Variants in NPAS3 observed in about 807,000 individuals in gnomAD.
NPAS3 encodes the protein neuronal PAS domain-containing protein 3.
NPAS3 carries 14 observed loss-of-function variants against 73.1 expected under a neutral mutation model. The ratio of observed to expected loss-of-function variants is 0.19; its 90% CI spans 0.13 to 0.30. The LOEUF is 0.30. Ranked by LOEUF, NPAS3 falls within the 10% of genes least tolerant of loss-of-function variation. The probability of loss-of-function intolerance (pLI) is 1.00; values close to 1 mark genes in which losing one functional copy is unlikely to be tolerated. For missense variants in NPAS3, 1,096 were observed against 1,250.0 expected, an observed-to-expected ratio of 0.88 and a Z score of 1.86; for synonymous variants, 620 against 541.5, an observed-to-expected ratio of 1.14 and a Z score of -2.01.
chr14:33,363,872 G>C (rs2045714650), intron 3 of NPAS3, among the ~76,000 whole-genome samples: 1 of 151,286 alleles, frequency 6.6e-6, no homozygotes, highest in Admixed American at 6.6e-5. Context: ...GCTGGTAACA[G>C]AATCTTCACA....
At chr14:33,103,358 A>G (rs910353295) in intron 2 of NPAS3, among the ~76,000 whole-genome samples, 1 of 152,132 alleles carries the variant, frequency 6.6e-6, no homozygotes, top group Non-Finnish European at 1.5e-5. Context: ...AAGCTCTGCC[A>G]TTGCATCATG....
chr14:33,247,482 C>T (rs779008958), intron 3 of NPAS3, among the ~76,000 whole-genome samples: 3 of 152,120 alleles, frequency 2.0e-5, no homozygotes, highest in Non-Finnish European at 4.4e-5. Context: ...GACTGGTTGC[C>T]TTAAAAACTG....
At chr14:33,245,329 T>C (rs1426000021) in intron 3 of NPAS3, among the ~76,000 whole-genome samples, 1 of 152,162 alleles carries the variant, frequency 6.6e-6, no homozygotes, top group Non-Finnish European at 1.5e-5. Context: ...TCATGGATTA[T>C]CTCATCTAAT....
chr14:33,665,759 A>G (rs1001704550), intron 5 of NPAS3, among the ~76,000 whole-genome samples: 4 of 152,210 alleles, frequency 2.6e-5, no homozygotes, highest in Non-Finnish European at 5.9e-5. Context: ...ACCTCAGAAA[A>G]AATAATTCCA....
At chr14:33,246,276 A>C (rs1012469623) in intron 3 of NPAS3, among the ~76,000 whole-genome samples, 16 of 152,096 alleles carry the variant, frequency 1.1e-4, no homozygotes, top group African/African-American at 3.9e-4. Context: ...GCGGTGGCTC[A>C]CGCCTCTAAT....
At chr14:33,748,018 T>C (rs1048230705) in intron 7 of NPAS3, among the ~76,000 whole-genome samples, 1 of 152,208 alleles carries the variant, frequency 6.6e-6, no homozygotes, top group Admixed American at 6.6e-5. Context: ...TATTTGTACA[T>C]AGTTTTCCTC....
chr14:33,442,835 A>G (rs2049315671), intron 4 of NPAS3, among the ~76,000 whole-genome samples: 1 of 152,202 alleles, frequency 6.6e-6, no homozygotes. Context: ...ATTTAAGGAA[A>G]TGATTTGTTA....
intron 2 of NPAS3, among the ~76,000 whole-genome samples, chr14:33,101,121 A>G (rs2042564230): frequency 6.6e-6 from 1 of 152,064 alleles, no homozygotes; most frequent in South Asian, 2.1e-4. Flanking sequence ...CAGACATACC[A>G]TCACCGCCCT....
At chr14:33,675,227 G>A (rs10162476) in intron 5 of NPAS3, among the ~76,000 whole-genome samples, 79,495 of 151,944 alleles carry the variant, frequency 0.52, 21,688 homozygotes, top group African/African-American at 0.7. Context: ...TGTTGTATGT[G>A]CATGTAATGT....
chr14:33,390,618 C>G lies in NPAS3; in HGVS notation c.468+23350C>G, dbSNP rs530827129. Reference sequence around the variant, plus strand: ...AATAGCCAATTTGTAGAGTGTACTGCACCAAGTATATGGACGATGGATGTT... The same window carrying G: ...AATAGCCAATTTGTAGAGTGTACTGGACCAAGTATATGGACGATGGATGTT... On this transcript the variant is annotated intron_variant, in intron 4 of 11. Transcript: ENST00000356141. Among the ~76,000 whole-genome samples, 4 of 152,286 alleles carry G rather than the reference C, an allele frequency of 2.6e-5. No homozygotes were observed. The South Asian group carries it at 6.2e-4, about 24-fold the overall frequency.
chr14:33,019,675 A>T (rs1460835150), intron 1 of NPAS3, among the ~76,000 whole-genome samples: 1 of 152,200 alleles, frequency 6.6e-6, no homozygotes, highest in Non-Finnish European at 1.5e-5. Context: ...TGTGTAATTG[A>T]TGCAAGTCCT....
At chr14:33,097,071 TC>T (rs201328800) in intron 2 of NPAS3, among the ~76,000 whole-genome samples, 1 of 144,610 alleles carries the variant, frequency 6.9e-6, no homozygotes, top group Non-Finnish European at 1.6e-5. Context: ...TGCAATTTTT[TC>T]CCCCCATTCT....
chr14:33,236,754 C>T (rs541927868), intron 3 of NPAS3, among the ~76,000 whole-genome samples: 3 of 152,098 alleles, frequency 2.0e-5, no homozygotes, highest in South Asian at 4.2e-4. Flanking sequence ...CATTTTGTCT[C>T]GATTTTCCAC....
At chr14:33,358,154 T>C (rs1372480149) in intron 3 of NPAS3, among the ~76,000 whole-genome samples, 4 of 152,184 alleles carry the variant, frequency 2.6e-5, no homozygotes, top group African/African-American at 9.7e-5. Flanking sequence ...GTCTGGTTAG[T>C]GACTCGGTTG....
intron 2 of NPAS3, among the ~76,000 whole-genome samples, chr14:33,120,012 G>T (rs370598428): frequency 1.1e-4 from 17 of 149,948 alleles, no homozygotes; most frequent in African/African-American, 3.9e-4. Flanking sequence ...CAGATACTTT[G>T]TTTTTTTTTT....
chr14:33,021,985 G>A (rs1214116083), intron 1 of NPAS3, among the ~76,000 whole-genome samples: 1 of 152,154 alleles, frequency 6.6e-6, no homozygotes, highest in African/African-American at 2.4e-5. Context: ...ACTTGCAGAG[G>A]TTAGGTGGTG....
chr14:33,708,014 A>G lies in NPAS3; in HGVS notation c.734-27200A>G, dbSNP rs368012132. 2.0e-5 allele frequency among the ~76,000 whole-genome samples: 3 copies of G among 152,202 alleles called. No individual in the cohort carries two copies. The East Asian group carries it at 5.8e-4, about 29-fold the overall frequency. Reference sequence around the variant, plus strand: ...AGTAGAAATTACATTTTATTACCTCACCAGGGGCTGATGGCCCTTACTTGG... The same window carrying G: ...AGTAGAAATTACATTTTATTACCTCGCCAGGGGCTGATGGCCCTTACTTGG... On this transcript the variant is annotated intron_variant, in intron 6 of 11. Transcript: ENST00000356141.
intron 5 of NPAS3, among the ~76,000 whole-genome samples, chr14:33,627,127 T>C (rs2058244336): frequency 6.6e-6 from 1 of 152,192 alleles, no homozygotes; most frequent in South Asian, 2.1e-4. Flanking sequence ...ATAAAGTTTC[T>C]GTCAAGTAGC....
At position 33,460,825 on chromosome 14, in the gene NPAS3, A is replaced by G. The variant is rs2050228780; in HGVS notation, c.468+93557A>G. 2.0e-5 allele frequency among the ~76,000 whole-genome samples: 3 copies of G among 152,344 alleles called. No individual in the cohort carries two copies. In the South Asian group the frequency reaches 6.2e-4, roughly 32 times the overall value. On this transcript the variant is annotated intron_variant, in intron 4 of 11. Coordinates refer to ENST00000356141, the Ensembl canonical transcript of NPAS3. ...AACCAACTAACAAAACTAGATTTAC[A>G]GAAAAACCAGAGAGTGGGTCCAGGA...
Sources: allele counts gnomAD v4.1 joint callset (sites outside exome capture counted in the v4.1 genomes callset), GRCh38; gene constraint gnomAD v4.1.1; transcripts MANE v1.5; gene names NCBI Gene and HGNC (gene_info 2026-07-23, HGNC 2026-07-21).